The following TMCC1 variants were observed in gnomAD, a reference collection of about 807,000 sequenced individuals.
TMCC1 encodes the protein transmembrane and coiled-coil domains protein 1.
Under a neutral mutation model 52.4 loss-of-function variants are expected in TMCC1, and 15 were observed. The ratio of observed to expected loss-of-function variants is 0.29; its 90% CI spans 0.19 to 0.44. TMCC1 has a LOEUF of 0.44. TMCC1 is among the 20% of genes least tolerant of loss of function. TMCC1 has a pLI of 1.00. For missense variants in TMCC1, 503 were observed against 806.0 expected (o/e 0.62, Z 4.55); for synonymous variants, 279 against 301.9 (o/e 0.92, Z 0.79).
intron 4 of TMCC1, among the ~76,000 whole-genome samples, chr3:129,686,306 T>G (rs2089404698): frequency 6.6e-6 from 1 of 152,168 alleles, no homozygotes; most frequent in Admixed American, 6.5e-5. Flanking sequence ...TTCTCCATGT[T>G]GGTCAGGCTG....
chr3:129,706,460 C>T (rs959936486), intron 4 of TMCC1, among the ~76,000 whole-genome samples: 2 of 152,162 alleles, frequency 1.3e-5, no homozygotes, highest in Non-Finnish European at 1.5e-5. Flanking sequence ...CCCACCTCAG[C>T]CTCCCAAAGT....
intron 4 of TMCC1, among the ~76,000 whole-genome samples, chr3:129,699,152 T>C (rs1038444913): frequency 1.3e-5 from 2 of 152,098 alleles, no homozygotes; most frequent in Non-Finnish European, 2.9e-5. Context: ...GGCTTTTGAA[T>C]AGGGGCTGGG....
chr3:129,821,199 A>T (rs189371712), intron 4 of TMCC1, among the ~76,000 whole-genome samples: 1 of 152,316 alleles, frequency 6.6e-6, no homozygotes, highest in Non-Finnish European at 1.5e-5. Context: ...ATCAATATTG[A>T]GGCATCTGTG....
intron 4 of TMCC1, among the ~76,000 whole-genome samples, chr3:129,674,991 C>T (rs1375735739): frequency 2.6e-5 from 4 of 152,240 alleles, no homozygotes; most frequent in Non-Finnish European, 1.5e-5. Flanking sequence ...GCGCACGCCA[C>T]CACACCCAGC....
At chr3:129,784,886 T>G (rs1397317379) in intron 4 of TMCC1, among the ~76,000 whole-genome samples, 1 of 150,836 alleles carries the variant, frequency 6.6e-6, no homozygotes, top group African/African-American at 2.4e-5. Context: ...CCTGAACCTT[T>G]AGTAATCCCC....
intron 2 of TMCC1, among the ~76,000 whole-genome samples, chr3:129,871,560 C>G (rs763904340): frequency 5.3e-5 from 8 of 152,060 alleles, no homozygotes; most frequent in Non-Finnish European, 1.5e-5. Context: ...TCTCAATCCA[C>G]ACAACTTAGC....
intron 4 of TMCC1, among the ~76,000 whole-genome samples, chr3:129,725,202 C>T (rs1169541270): frequency 6.6e-6 from 1 of 152,190 alleles, no homozygotes; most frequent in East Asian, 1.9e-4. Context: ...CAACCTCCGC[C>T]TCCTGGGCTC....
At chr3:129,885,372 G>A (rs755982739) in intron 1 of TMCC1, among the ~76,000 whole-genome samples, 9 of 151,882 alleles carry the variant, frequency 5.9e-5, no homozygotes, top group African/African-American at 9.7e-5. Context: ...AGGATCACCT[G>A]AGGTCAGGAG....
At chr3:129,760,485 TG>T in intron 4 of TMCC1, among the ~76,000 whole-genome samples, 1 of 150,986 alleles carries the variant, frequency 6.6e-6, no homozygotes, top group East Asian at 2.0e-4. Context: ...TGTGTGTGTG[TG>T]TGTGTGTGTT....
chr3:129,755,758 A>T (rs999292948), intron 4 of TMCC1, among the ~76,000 whole-genome samples: 1 of 152,246 alleles, frequency 6.6e-6, no homozygotes, highest in Non-Finnish European at 1.5e-5. Context: ...ATGTGGAACA[A>T]GAAATCTCAT....
At chr3:129,868,738 CCTAG>C (rs1387878512) in intron 2 of TMCC1, among the ~76,000 whole-genome samples, 6 of 152,200 alleles carry the variant, frequency 3.9e-5, no homozygotes, top group Non-Finnish European at 8.8e-5. Flanking sequence ...CTGCGCCCAG[CCTAG>C]CTGTTTCAAT....
chr3:129,775,077 C>G (rs972010150), intron 4 of TMCC1, among the ~76,000 whole-genome samples: 1 of 152,128 alleles, frequency 6.6e-6, no homozygotes, highest in East Asian at 1.9e-4. Context: ...ACTCACTGAA[C>G]AATACCTGCT....
At chr3:129,740,993 T>TTGGAGGTCCTTTGGACCTTA (rs1246439126) in intron 4 of TMCC1, among the ~76,000 whole-genome samples, 2 of 152,214 alleles carry the variant, frequency 1.3e-5, no homozygotes, top group African/African-American at 2.4e-5. Flanking sequence ...TCAGGACTCA[T>TTGGAGGTCCTTTGGACCTTA]TGCCCCTTTG....
chr3:129,875,139 G>A (rs1252058007), intron 2 of TMCC1, among the ~76,000 whole-genome samples: 1 of 151,304 alleles, frequency 6.6e-6, no homozygotes, highest in Non-Finnish European at 1.5e-5. Context: ...CGGATCACTT[G>A]AGCCCAGTAG....
chr3:129,742,739 C>A (rs769018709), intron 4 of TMCC1, among the ~76,000 whole-genome samples: 1 of 152,022 alleles, frequency 6.6e-6, no homozygotes, highest in Non-Finnish European at 1.5e-5. Flanking sequence ...TTCATACTGT[C>A]CAAAAAGTAG....
chr3:129,678,873 G>A (rs1279871316), intron 4 of TMCC1, among the ~76,000 whole-genome samples: 3 of 152,176 alleles, frequency 2.0e-5, no homozygotes, highest in Non-Finnish European at 4.4e-5. Flanking sequence ...CAATGCAACA[G>A]TCTCCTATAA....
At chr3:129,707,816 C>A (rs2048358179) in intron 4 of TMCC1, among the ~76,000 whole-genome samples, 1 of 151,908 alleles carries the variant, frequency 6.6e-6, no homozygotes, top group Non-Finnish European at 1.5e-5. Context: ...CCTGTAATCC[C>A]AGCTACTCGG....
At chr3:129,691,753 G>A (rs2047044417) in intron 4 of TMCC1, among the ~76,000 whole-genome samples, 1 of 152,146 alleles carries the variant, frequency 6.6e-6, no homozygotes, top group Non-Finnish European at 1.5e-5. Context: ...CTGGGTTTGA[G>A]TGAGACTCTA....
At chr3:129,738,716 T>G (rs149693653) in intron 4 of TMCC1, among the ~76,000 whole-genome samples, 47 of 152,330 alleles carry the variant, frequency 3.1e-4, no homozygotes, top group South Asian at 1.9e-3. Flanking sequence ...ATTTTTTTCA[T>G]TGGCGATTAA....
Sources: gnomAD v4.1 joint callset for allele counts (sites outside exome capture counted in the v4.1 genomes callset) on GRCh38, gnomAD v4.1.1 for gene constraint, MANE v1.5 for transcripts, NCBI Gene and HGNC (gene_info 2026-07-23, HGNC 2026-07-21) for gene names.